The following MYO16 variants were observed in gnomAD, a reference collection of about 807,000 sequenced individuals.
MYO16 encodes the protein myosin XVI.
MYO16 carries 94 observed loss-of-function variants against 205.3 expected under a neutral mutation model. The ratio of observed to expected loss-of-function variants is 0.46; its 90% CI spans 0.39 to 0.54. The LOEUF (loss-of-function observed/expected upper bound fraction) is 0.54, where lower values mean the gene tolerates loss of function less well. Ranked by LOEUF, MYO16 falls within the 20% of genes least tolerant of loss-of-function variation. MYO16 has a pLI of 0.00. For missense variants in MYO16, 2,315 were observed against 2,387.5 expected (o/e 0.97, Z 0.63); for synonymous variants, 988 against 954.0 (o/e 1.04, Z -0.66).
intron 14 of MYO16, among the ~76,000 whole-genome samples, chr13:108,895,433 T>TA (rs1880367442): frequency 1.3e-5 from 2 of 152,218 alleles, no homozygotes; most frequent in Admixed American, 1.3e-4. Context: ...TAATTAAAGA[T>TA]AAAAAACTGG....
chr13:108,766,355 C>T (rs888131583), intron 4 of MYO16, among the ~76,000 whole-genome samples: 5 of 152,170 alleles, frequency 3.3e-5, no homozygotes, highest in African/African-American at 4.8e-5. Context: ...ATAATTCCCT[C>T]GTTTATTTTC....
chr13:108,861,503 C>T (rs932220168), intron 11 of MYO16, among the ~76,000 whole-genome samples: 2 of 151,956 alleles, frequency 1.3e-5, no homozygotes, highest in African/African-American at 2.4e-5. Flanking sequence ...TTTTTTGGCC[C>T]ACATAAGTAC....
intron 20 of MYO16, among the ~76,000 whole-genome samples, chr13:108,972,241 C>CTATA (rs1884048364): frequency 1.4e-4 from 2 of 13,982 alleles, no homozygotes; most frequent in Non-Finnish European, 3.0e-4. Context: ...CTCTCTCTCT[C>CTATA]TCTCTCTCTA....
chr13:108,927,645 G>A (rs944398410), intron 16 of MYO16, among the ~76,000 whole-genome samples: 3 of 152,202 alleles, frequency 2.0e-5, no homozygotes, highest in East Asian at 1.9e-4. Flanking sequence ...GATGAGGGAG[G>A]AGACATGCCA....
chr13:108,684,449 T>C (rs1594207111), intron 2 of MYO16, among the ~76,000 whole-genome samples: 1 of 152,326 alleles, frequency 6.6e-6, no homozygotes, highest in East Asian at 1.9e-4. Context: ...TATATATCTC[T>C]TATTGTGTGT....
chr13:109,156,034 TC>T (rs1178771544), intron 32 of MYO16, among the ~76,000 whole-genome samples: 28 of 152,330 alleles, frequency 1.8e-4, no homozygotes, highest in African/African-American at 6.5e-4. Context: ...AGGATGCAGG[TC>T]GACTTGAGAG....
At chr13:109,101,138 A>T (rs1888954082) in intron 28 of MYO16, 2 of 403,698 alleles carry the variant, frequency 5.0e-6, no homozygotes, top group Non-Finnish European at 9.3e-6. Flanking sequence ...TATGAGCCCC[A>T]TTCTGTTTGC....
At chr13:108,544,327 A>C in the MYO16 span, among the ~76,000 whole-genome samples, 1 of 152,174 alleles carries the variant, frequency 6.6e-6, no homozygotes, top group Admixed American at 6.5e-5. Flanking sequence ...ATGAGAAGTG[A>C]AAGAATTCAC....
intron 2 of MYO16, among the ~76,000 whole-genome samples, chr13:108,711,796 C>G (rs564785039): frequency 1.4e-4 from 22 of 152,218 alleles, no homozygotes; most frequent in Admixed American, 5.2e-4. Context: ...TGAACCTGAG[C>G]CATTTTGTCC....
At chr13:108,595,035 T>C (rs1878506678), upstream of MYO16, among the ~76,000 whole-genome samples, 2 of 152,188 alleles carry the variant, frequency 1.3e-5, no homozygotes, top group African/African-American at 4.8e-5. Flanking sequence ...ATTTATTCCT[T>C]TCCTGACTTT....
At chr13:109,181,960 C>G (rs577707438) in intron 34 of MYO16, among the ~76,000 whole-genome samples, 1 of 152,010 alleles carries the variant, frequency 6.6e-6, no homozygotes, top group South Asian at 2.1e-4. Context: ...GCTGGGATTA[C>G]AGGTGTGCAC....
intron 1 of MYO16, among the ~76,000 whole-genome samples, chr13:108,646,428 G>T (rs1880758990): frequency 6.6e-6 from 1 of 152,190 alleles, no homozygotes; most frequent in Non-Finnish European, 1.5e-5. Flanking sequence ...AGTAATCAAA[G>T]TTATGGAAAA....
At chr13:109,080,579 C>A (rs1292290991) in intron 27 of MYO16, among the ~76,000 whole-genome samples, 26 of 145,754 alleles carry the variant, frequency 1.8e-4, no homozygotes, top group East Asian at 6.0e-4. Context: ...TGCCCCTCTT[C>A]AAAAAAAAAA....
intron 27 of MYO16, among the ~76,000 whole-genome samples, chr13:109,070,282 T>C (rs1887883637): frequency 6.6e-6 from 1 of 152,218 alleles, no homozygotes; most frequent in Admixed American, 6.5e-5. Context: ...ATTCTGTAAT[T>C]CCCAATAGAC....
At chr13:108,658,777 T>C (rs1405537037) in intron 1 of MYO16, among the ~76,000 whole-genome samples, 1 of 152,216 alleles carries the variant, frequency 6.6e-6, no homozygotes, top group East Asian at 1.9e-4. Context: ...TTCCTCAGAA[T>C]TTATTGAGAT....
chr13:108,665,576 G>A (rs1881686204), intron 1 of MYO16, among the ~76,000 whole-genome samples: 1 of 152,216 alleles, frequency 6.6e-6, no homozygotes, highest in Admixed American at 6.5e-5. Context: ...ACACAGTGAT[G>A]AAATCTGGAG....
At chr13:108,955,653 C>T (rs1883320887) in intron 16 of MYO16, among the ~76,000 whole-genome samples, 1 of 152,158 alleles carries the variant, frequency 6.6e-6, no homozygotes, top group African/African-American at 2.4e-5. Context: ...AGGAGTTCAA[C>T]CAGCCTGGCC....
chr13:108,675,117 A>G (rs1042152468), intron 2 of MYO16, among the ~76,000 whole-genome samples: 3 of 152,222 alleles, frequency 2.0e-5, no homozygotes, highest in African/African-American at 7.2e-5. Flanking sequence ...AGGATGCAGG[A>G]AGAAGTAGCT....
rs751986736 is a variant in MYO16 at position 109,127,240 on chromosome 13, C to T, written c.3783-42C>T. On this transcript the variant is annotated intron_variant, in intron 30 of 34. Transcript: ENST00000457511. The surrounding 1 kb of genome is among the most constrained non-coding windows in gnomAD (Gnocchi z 4.2). ...TTGTTACCGGAATAATGCATCTGGGCCTCTCTGGCGTGGTGCTGTTTGTGT... is the reference window on the plus strand; with the variant it reads ...TTGTTACCGGAATAATGCATCTGGGTCTCTCTGGCGTGGTGCTGTTTGTGT... 17 of 1,527,320 alleles carry T rather than the reference C, an allele frequency of 1.1e-5. No homozygotes were observed. Among genetic ancestry groups the T allele is most frequent in the Non-Finnish European group, 1.5e-5 (17 of 1,134,336 alleles). The allele number at this position is 1,527,320 out of a possible 1,614,324, so 94.6% of individuals were successfully genotyped here. A position where few individuals can be genotyped will look rare whatever the true frequency, so the allele number is the denominator to read the frequency against.
Sources: allele counts gnomAD v4.1 joint callset (sites outside exome capture counted in the v4.1 genomes callset), GRCh38; gene constraint gnomAD v4.1.1; non-coding constraint Gnocchi (gnomAD v3.1); transcripts MANE v1.5; gene names NCBI Gene and HGNC (gene_info 2026-07-23, HGNC 2026-07-21).